Variants in PI4KA observed in about 807,000 individuals in gnomAD.
PI4KA encodes the protein PI4-kinase alpha.
In PI4KA, 122 loss-of-function variants were observed where a neutral mutation model predicts 271.4. That is an observed-to-expected ratio of 0.45 (90% confidence interval 0.39 to 0.52). The LOEUF (loss-of-function observed/expected upper bound fraction) is 0.52. PI4KA is among the 20% of genes least tolerant of loss of function. The pLI is 0.00. For missense variants in PI4KA, 1,969 were observed against 2,769.1 expected (o/e 0.71, Z 6.48); for synonymous variants, 1,041 against 1,078.8 (o/e 0.96, Z 0.69).
chr22:20,731,071 T>C (rs1001363689), intron 36 of PI4KA, among the ~76,000 whole-genome samples: 2 of 152,044 alleles, frequency 1.3e-5, no homozygotes, highest in African/African-American at 4.8e-5. Flanking sequence ...CTTAGCTGCT[T>C]GTGAGGCTGG....
chr22:20,764,910 A>G lies in PI4KA; in HGVS notation c.2615T>C (p.Leu872Pro). ...SELRSTIINL[L>P]DPPPEVSALI... ...TGCGGACACCTCGGGAGGGGGGTCC[A>G]GCAGGTTGATGATAGTGCTGCGGAG... The change falls in exon 22 of 55, where the codon CTG becomes CCG. Residue 872 changes from leucine to proline, a missense_variant. By Grantham distance (98) the Leu-to-Pro change is moderately conservative. Coordinates refer to ENST00000255882, the MANE Select transcript of PI4KA (RefSeq NM_058004.4). The G allele has an allele frequency of 6.2e-7, 1 of 1,613,424 alleles. No individual in the cohort carries two copies. The highest frequency in any genetic ancestry group is 1.1e-5 in the South Asian group (1 of 90,930).
At chr22:20,720,426 C>G (rs1926599358) in intron 43 of PI4KA, among the ~76,000 whole-genome samples, 1 of 152,110 alleles carries the variant, frequency 6.6e-6, no homozygotes, top group Non-Finnish European at 1.5e-5. Flanking sequence ...GTGGCGTGCA[C>G]CTATAGTCTC....
In PI4KA at chr22:20,729,474, G is replaced by A. The variant is rs1927752195; in HGVS notation, c.4521C>T (p.Tyr1507=). 1.2e-6 allele frequency: 2 copies of A among 1,607,584 alleles called. No homozygotes were observed. The highest frequency in any genetic ancestry group is 1.7e-6 in the Non-Finnish European group (2 of 1,176,688). The change falls in exon 39 of 55, where the codon TAC becomes TAT. Residue 1507 remains tyrosine, a synonymous_variant. Coordinates refer to ENST00000255882, the MANE Select transcript of PI4KA (RefSeq NM_058004.4). Reference sequence around the variant, plus strand: ...CCAGTTCCGGGGCTGACAGCGGGTTGTACCATGTGATGAGACGCTCGATCT... The same window carrying A: ...CCAGTTCCGGGGCTGACAGCGGGTTATACCATGTGATGAGACGCTCGATCT... ...ATEIERLITW[Y]NPLSAPELEL...
rs148180438 is a variant in PI4KA, at chr22:20,829,915, G to T, written c.367+4647C>A. On this transcript the variant is annotated intron_variant, in intron 3 of 54. Transcript: ENST00000255882. ...CCTTAATTTCATCATTTACCCGAAG[G>T]TCATTCAGGAGCAGGTTATTTAATT... Among the ~76,000 whole-genome samples, 5 of 152,214 alleles carry T rather than the reference G, an allele frequency of 3.3e-5. No homozygotes were observed. The East Asian group carries it at 9.6e-4, about 29-fold the overall frequency.
intron 18 of PI4KA, among the ~76,000 whole-genome samples, chr22:20,795,517 GC>G (rs1934929699): frequency 6.6e-6 from 1 of 151,988 alleles, no homozygotes; most frequent in African/African-American, 2.4e-5. Context: ...ACCCCTCTAC[GC>G]AAAAATAAAA....
intron 45 of PI4KA, among the ~76,000 whole-genome samples, chr22:20,715,765 C>T (rs747233939): frequency 1.6e-4 from 24 of 152,234 alleles, no homozygotes; most frequent in African/African-American, 5.5e-4. Context: ...TGAGCCACCG[C>T]GCCCGGCCAA....
At chr22:20,843,435 AGGCTGCAG>A (rs362159) in intron 1 of PI4KA, among the ~76,000 whole-genome samples, 73,652 of 151,616 alleles carry the variant, frequency 0.49, 18,355 homozygotes, top group African/African-American at 0.58. Flanking sequence ...TAGCAGGTTA[AGGCTGCAG>A]TGAGCTGTGA....
At chr22:20,730,756 G>A (rs1038180666) in intron 36 of PI4KA, among the ~76,000 whole-genome samples, 1 of 151,908 alleles carries the variant, frequency 6.6e-6, no homozygotes, top group Non-Finnish European at 1.5e-5. Flanking sequence ...TTTTAGTAGA[G>A]ATGGGGTTTC....
At chr22:20,832,000 CAG>C (rs1924240527) in intron 3 of PI4KA, among the ~76,000 whole-genome samples, 1 of 152,086 alleles carries the variant, frequency 6.6e-6, no homozygotes, top group South Asian at 2.1e-4. Context: ...CCATATTTCT[CAG>C]AGGTGTTCAT....
At chr22:20,798,972 C>G in intron 16 of PI4KA, 121 bp downstream of exon 16, 1 of 790,946 alleles carries the variant, frequency 1.3e-6, no homozygotes, top group Non-Finnish European at 2.0e-6. Context: ...GCATTAAAAC[C>G]GTTGTCAGCA....
intron 27 of PI4KA, among the ~76,000 whole-genome samples, chr22:20,750,635 G>A (rs1401573157): frequency 6.6e-6 from 1 of 152,226 alleles, no homozygotes; most frequent in Non-Finnish European, 1.5e-5. Context: ...GGGACTGGAT[G>A]GAAGGGCAGG....
intron 32 of PI4KA, 94 bp downstream of exon 32, chr22:20,742,134 T>C: frequency 1.5e-6 from 2 of 1,321,344 alleles, no homozygotes; most frequent in Non-Finnish European, 1.1e-6. Flanking sequence ...GCTTGCCCAG[T>C]GTCTCCATGC....
rs549377199 is a variant in PI4KA, at chr22:20,841,128, C to A, written c.157-2397G>T. Among the ~76,000 whole-genome samples, 20 of 152,288 alleles carry A rather than the reference C, an allele frequency of 1.3e-4. 1 individual carries two copies. The South Asian group carries it at 2.9e-3, about 22-fold the overall frequency. On this transcript the variant is annotated intron_variant, in intron 1 of 54. Coordinates refer to ENST00000255882, the MANE Select transcript of PI4KA (RefSeq NM_058004.4). ...CTCCTTATCTCAGGTGATACGCCCA[C>A]CTCGGCCTCCCAGAGCGCTGAGATT...
intron 45 of PI4KA, among the ~76,000 whole-genome samples, chr22:20,715,312 C>T (rs374569455): frequency 1.3e-5 from 2 of 151,786 alleles, no homozygotes; most frequent in African/African-American, 4.8e-5. Context: ...CTCAAGTGAT[C>T]CACCTGTCTT....
At chr22:20,803,991 C>A (rs573558950) in intron 12 of PI4KA, among the ~76,000 whole-genome samples, 2 of 152,330 alleles carry the variant, frequency 1.3e-5, no homozygotes, top group Admixed American at 6.5e-5. Flanking sequence ...CATCCCCTTG[C>A]GTGGCCCCAT....
chr22:20,813,541 TG>T (rs1281841737), intron 7 of PI4KA, 35 bp from the exon 8 acceptor site: 2 of 1,608,700 alleles, frequency 1.2e-6, no homozygotes, highest in Middle Eastern at 1.7e-4. Context: ...TCAGCCGTGG[TG>T]ACAGGCAACT....
intron 39 of PI4KA, 81 bp from the exon 40 acceptor site, chr22:20,727,945 A>AG: frequency 1.0e-6 from 1 of 974,982 alleles, no homozygotes; most frequent in Non-Finnish European, 1.6e-6. Context: ...GAGGGGAGCC[A>AG]GGGGGAAACA....
At chr22:20,779,093 A>G in intron 19 of PI4KA, 2 of 1,213,326 alleles carry the variant, frequency 1.6e-6, no homozygotes, top group East Asian at 2.6e-5. Flanking sequence ...CAGATCCTTC[A>G]TTGAGGTTTA....
intron 19 of PI4KA, 87 bp from the exon 20 acceptor site, chr22:20,765,780 T>C (rs1003161239): frequency 1.2e-6 from 1 of 827,402 alleles, no homozygotes; most frequent in South Asian, 1.4e-5. Context: ...CACAGATTCA[T>C]TCTCTAAGAG....
Sources: allele counts gnomAD v4.1 joint callset (sites outside exome capture counted in the v4.1 genomes callset), GRCh38; gene constraint gnomAD v4.1.1; transcripts MANE v1.5; gene names NCBI Gene and HGNC (gene_info 2026-07-23, HGNC 2026-07-21).